TLK1: variants seen among roughly 807,000 people sequenced by gnomAD.
TLK1 encodes serine/threonine-protein kinase tousled-like 1.
TLK1 carries 24 observed loss-of-function variants against 105.3 expected under a neutral mutation model. The ratio of observed to expected loss-of-function variants is 0.23; its 90% confidence interval spans 0.17 to 0.32. TLK1 has a LOEUF of 0.32. Ranked by LOEUF, TLK1 falls within the 10% of genes least tolerant of loss-of-function variation. The probability of loss-of-function intolerance (pLI) is 1.00; values close to 1 mark genes in which losing one functional copy is unlikely to be tolerated. For missense variants in TLK1, 558 were observed against 910.5 expected, an observed-to-expected ratio of 0.61 and a Z score of 4.98; for synonymous variants, 321 against 310.4, an observed-to-expected ratio of 1.03 and a Z score of -0.36.
chr2:171,084,753 G>GATATTACA (rs1464827875), intron 2 of TLK1, among the ~76,000 whole-genome samples: 1 of 151,888 alleles, frequency 6.6e-6, no homozygotes, highest in Admixed American at 6.6e-5. Flanking sequence ...TGAACTAAGA[G>GATATTACA]ATATTACAAA....
At chr2:171,197,296 GA>G (rs1181069518) in intron 1 of TLK1, among the ~76,000 whole-genome samples, 1 of 151,920 alleles carries the variant, frequency 6.6e-6, no homozygotes, top group Non-Finnish European at 1.5e-5. Context: ...AAATGAGAGA[GA>G]AAAAAGCATT....
intron 1 of TLK1, among the ~76,000 whole-genome samples, chr2:171,175,346 G>A (rs1692801413): frequency 6.6e-6 from 1 of 151,944 alleles, no homozygotes. Flanking sequence ...ATTCTATGCT[G>A]AACATGTACA....
At chr2:171,162,390 T>G (rs1243759821), upstream of TLK1, among the ~76,000 whole-genome samples, 1 of 152,058 alleles carries the variant, frequency 6.6e-6, no homozygotes, top group African/African-American at 2.4e-5. Context: ...ATACAAAAAT[T>G]AGCCGGGTGT....
intron 3 of TLK1, among the ~76,000 whole-genome samples, chr2:171,079,695 T>C (rs1688663706): frequency 6.6e-6 from 1 of 152,136 alleles, no homozygotes; most frequent in Non-Finnish European, 1.5e-5. Context: ...GATTCATATA[T>C]AAAATAAACC....
At chr2:171,167,618 C>T (rs561987923) in intron 1 of TLK1, among the ~76,000 whole-genome samples, 2 of 152,240 alleles carry the variant, frequency 1.3e-5, no homozygotes, top group East Asian at 3.9e-4. Flanking sequence ...ACTTCCTCTG[C>T]TCCCTCCAGT....
chr2:171,208,504 C>A (rs572979958), intron 1 of TLK1, among the ~76,000 whole-genome samples: 5 of 152,200 alleles, frequency 3.3e-5, no homozygotes, highest in African/African-American at 1.2e-4. Context: ...TGCTTAAAAA[C>A]CCCTGAGACT....
chr2:171,051,626 T>C (rs138662855), intron 8 of TLK1, among the ~76,000 whole-genome samples: 3 of 152,218 alleles, frequency 2.0e-5, no homozygotes, highest in Admixed American at 1.3e-4. Flanking sequence ...TGCCCACTTC[T>C]GTTCTTCTCT....
At chr2:171,001,148 A>G (rs914747092) in intron 18 of TLK1, among the ~76,000 whole-genome samples, 2 of 152,118 alleles carry the variant, frequency 1.3e-5, no homozygotes, top group Non-Finnish European at 2.9e-5. Flanking sequence ...GATGGCTTTC[A>G]TGGCTTTTTC....
At chr2:171,018,586 AG>A (rs1559345392) in intron 12 of TLK1, among the ~76,000 whole-genome samples, 1 of 152,202 alleles carries the variant, frequency 6.6e-6, no homozygotes, top group Non-Finnish European at 1.5e-5. Flanking sequence ...AGGGTTCAGG[AG>A]AAGACAGGAT....
intron 1 of TLK1, among the ~76,000 whole-genome samples, chr2:171,178,900 A>G (rs935830367): frequency 6.6e-6 from 1 of 152,206 alleles, no homozygotes; most frequent in Non-Finnish European, 1.5e-5. Context: ...ACAGATGACT[A>G]TTAAATTTTA....
rs74265012 is a variant in TLK1, at chr2:171,076,493, A to T, written c.330+6288T>A. Among the ~76,000 whole-genome samples the T allele has an allele frequency of 0.011, 1,633 of 152,190 alleles. 145 individuals carry two copies. In the East Asian group the frequency reaches 0.23, roughly 21 times the overall value. ...TTCATTATAAATTGCCCAGTCTGTG[A>T]TATTCTGTTAGAGCAGCAGAAAATG... On this transcript the variant is annotated intron_variant, in intron 3 of 20. Coordinates refer to ENST00000431350, the MANE Select transcript of TLK1 (RefSeq NM_012290.5).
chr2:171,115,938 A>T (rs549344784), intron 2 of TLK1, among the ~76,000 whole-genome samples: 2 of 152,362 alleles, frequency 1.3e-5, no homozygotes, highest in East Asian at 3.9e-4. Context: ...GTACAAGGTA[A>T]TTCTTATTAA....
rs556624351 is a variant in TLK1 at position 171,105,553 on chromosome 2, G to C, written c.258+12186C>G. Among the ~76,000 whole-genome samples, 22 of 152,254 alleles carry C rather than the reference G, an allele frequency of 1.4e-4. No individual in the cohort carries two copies. In the South Asian group the frequency reaches 4.3e-3, roughly 30 times the overall value. ...ATACAAAAATTAGATGAGTGTGGTG[G>C]CGTGCGCCTGTAGTCCCAGCTACTC... On this transcript the variant is annotated intron_variant, in intron 2 of 20. Transcript: ENST00000431350.
intron 18 of TLK1, among the ~76,000 whole-genome samples, chr2:171,001,276 A>T (rs1023195805): frequency 6.6e-6 from 1 of 152,178 alleles, no homozygotes; most frequent in Non-Finnish European, 1.5e-5. Flanking sequence ...ATGTGTAACG[A>T]GCCTTAAAGT....
chr2:171,200,722 A>AG (rs1299447705), intron 1 of TLK1, among the ~76,000 whole-genome samples: 3 of 152,156 alleles, frequency 2.0e-5, no homozygotes, highest in African/African-American at 7.2e-5. Flanking sequence ...GTATTTTTAC[A>AG]AATTATTTGG....
At chr2:171,068,368 C>T (rs1302226957) in intron 3 of TLK1, among the ~76,000 whole-genome samples, 1 of 152,060 alleles carries the variant, frequency 6.6e-6, no homozygotes, top group Admixed American at 6.6e-5. Context: ...GATGGGGTCT[C>T]GCTTCATTGT....
intron 11 of TLK1, among the ~76,000 whole-genome samples, chr2:171,030,455 T>C (rs1186857952): frequency 6.6e-6 from 1 of 151,896 alleles, no homozygotes; most frequent in Non-Finnish European, 1.5e-5. Flanking sequence ...AATGCTGGAG[T>C]GTGAATGTAG....
Position 171,160,290 on chromosome 2 carries a change from C to T in TLK1, c.139G>A (p.Gly47Ser), listed in dbSNP as rs1277461606. 6.4e-7 allele frequency: 1 copy of T among 1,562,538 alleles called. No homozygotes were observed. The highest frequency in any genetic ancestry group is 8.6e-7 in the Non-Finnish European group (1 of 1,159,040). ...CGGGCGCGGGCGCGGCGGTGCTTAC[C>T]TTCCCTGGGCCTCCCGGATGGCGGC... is the stretch of plus-strand genomic sequence containing the variant. ...HTPPSGRPRE[G>S]AMDELHSLDP... The change falls in exon 1 of 21, where the codon GGT (glycine) becomes AGT (serine). Residue 47 changes from glycine to serine, a missense_variant and splice_region_variant. Transcript: ENST00000431350. This position sits in a 1 kb window ranked among gnomAD's most constrained non-coding sequence, Gnocchi z 4.4.
intron 1 of TLK1, among the ~76,000 whole-genome samples, chr2:171,218,792 G>A (rs1693758885): frequency 1.3e-5 from 2 of 152,212 alleles, no homozygotes; most frequent in Middle Eastern, 3.4e-3. Flanking sequence ...TCATGACAGA[G>A]GAGTCCTCAT....
Sources: gnomAD v4.1 joint callset for allele counts (sites outside exome capture counted in the v4.1 genomes callset) on GRCh38, gnomAD v4.1.1 for gene constraint, Gnocchi (gnomAD v3.1) non-coding constraint, MANE v1.5 for transcripts, NCBI Gene and HGNC (gene_info 2026-07-23, HGNC 2026-07-21) for gene names.